Variants in PF4 observed in about 807,000 individuals in gnomAD.
PF4 encodes the protein C-X-C motif chemokine 4.
A neutral mutation model predicts 6.9 loss-of-function variants in PF4; 8 were observed. The observed-to-expected ratio is 1.16, with a 90% CI of 0.68 to 2.09. The LOEUF is 2.09. PF4 is among the 30% of genes most tolerant of loss of function. The pLI, the probability that PF4 is intolerant of heterozygous loss-of-function variation, is 0.00. For missense variants in PF4, 111 were observed against 122.9 expected (o/e 0.90, Z 0.46); for synonymous variants, 55 against 56.5 (o/e 0.97, Z 0.12).
chr4:73,981,918 G>A lies in PF4; in HGVS notation c.36C>T (p.Pro12=). 2.6e-6 allele frequency: 4 copies of A among 1,551,142 alleles called. No individual in the cohort carries two copies. The highest frequency in any genetic ancestry group is 2.0e-5 in the Admixed American group (1 of 50,976). ...SSAAGFCASR[P]GLLFLGLLLL... is the part of the protein sequence containing the mutation. ...GCAGCAACCCCAGGAACAGCAGCCC[G>A]GGGCGTGAGGCGCAGAACCCGGCTG... The change falls in exon 1 of 3, where the codon CCC becomes CCT. Residue 12 remains proline (P), a synonymous_variant. Coordinates refer to ENST00000296029, the MANE Select transcript of PF4 (RefSeq NM_002619.4).
rs561011636 is a variant in PF4 at position 73,980,829 on chromosome 4, T to C, written c.*375A>G. Among the ~76,000 whole-genome samples the C allele has an allele frequency of 3.3e-5, 5 of 152,336 alleles. No individual in the cohort carries two copies. The East Asian group carries it at 9.6e-4, about 29-fold the overall frequency. On this transcript the variant is annotated 3_prime_UTR_variant, in exon 3 of 3. Coordinates refer to ENST00000296029, the MANE Select transcript of PF4 (RefSeq NM_002619.4). ...TACTTAATTTTTTAAAAGCCATCTGTGTTACTGATATTTATTGGCAAAGGT... is the reference window on the plus strand; with the variant it reads ...TACTTAATTTTTTAAAAGCCATCTGCGTTACTGATATTTATTGGCAAAGGT...
At position 73,981,685 on chromosome 4, in the gene PF4, G is replaced by T; in HGVS notation, c.92-142C>A. 4.1e-6 allele frequency: 6 copies of T among 1,477,870 alleles called. No homozygotes were observed. In the South Asian group the frequency reaches 8.3e-5, roughly 20 times the overall value. The allele number at this position is 1,477,870 out of a possible 1,614,324, so 91.5% of individuals were successfully genotyped here. On this transcript the variant is annotated intron_variant, in intron 1 of 2. Coordinates refer to ENST00000296029, the MANE Select transcript of PF4 (RefSeq NM_002619.4). ...TAAATCACACCTCCCCCAGACAGAA[G>T]TTGTTCTAACCAGGTGGGAGGTGCA...
chr4:73,981,347 T>C lies in PF4; in HGVS notation c.219-56A>G. ...TCAGTCCTTGGGTTTGCAAATGGCA[T>C]TAGAAGGGGGAGGGTTGGGCAGAGG... is the stretch of plus-strand genomic sequence containing the variant. On this transcript the variant is annotated intron_variant, in intron 2 of 2. Transcript: ENST00000296029. 3 of 1,613,890 alleles carry C rather than the reference T, an allele frequency of 1.9e-6. No homozygotes were observed. In the South Asian group the frequency reaches 3.3e-5, roughly 18 times the overall value.
chr4:73,981,230 T>C lies in PF4; in HGVS notation c.280A>G (p.Ile94Val). 1 of 1,614,206 alleles carries C rather than the reference T, an allele frequency of 6.2e-7. No homozygotes were observed. Among genetic ancestry groups the C allele is most frequent in the Non-Finnish European group, 8.5e-7 (1 of 1,180,006 alleles). The change falls in exon 3 of 3, where the codon ATA (isoleucine) becomes GTA (valine). Residue 94 changes from isoleucine (I) to valine (V), a missense_variant. Ile to Val is a conservative substitution (Grantham distance 29). Transcript: ENST00000296029. ...LDLQAPLYKK[I>V]IKKLLES ...TAACTCTCCAAAAGTTTCTTAATTA[T>C]TTTCTTGTACAGCGGGGCTTGCAGG...
At chr4:73,982,062 G>T, upstream of PF4, 1 of 881,112 alleles carries the variant, frequency 1.1e-6, no homozygotes, top group Non-Finnish European at 1.8e-6. Context: ...TTTATTCCCG[G>T]CTGTCCTTCC....
In PF4 at chr4:73,980,981, TGCTTAAAATACCGGAA is replaced by T; in HGVS notation, c.*207_*222del. The T allele has an allele frequency of 1.9e-6, 1 of 537,828 alleles. No homozygotes were observed. The highest frequency in any genetic ancestry group is 3.3e-6 in the Non-Finnish European group (1 of 302,924). 33.3% of individuals were successfully genotyped at this position (537,828 alleles called of 1,614,324 possible). A position where few individuals can be genotyped will look rare whatever the true frequency, so the allele number is the denominator to read the frequency against. ...TCACACCTTCCTTCAAAATACTTTTTGCTTAAAATACCGGAATTTTTTTCTTCCATGAAATTGTTAT... is the reference window on the plus strand; with the variant it reads ...TCACACCTTCCTTCAAAATACTTTTTTTTTTTTCTTCCATGAAATTGTTAT... On this transcript the variant is annotated 3_prime_UTR_variant, in exon 3 of 3. Transcript: ENST00000296029.
At position 73,981,065 on chromosome 4, in the gene PF4, C is replaced by T; in HGVS notation, c.*139G>A. On this transcript the variant is annotated 3_prime_UTR_variant, in exon 3 of 3. Transcript: ENST00000296029. ...GCACTATTATTAAGAAGTATTTTGA[C>T]TATACTACAACTTGATTTATTTTGT... is the stretch of plus-strand genomic sequence containing the variant. The T allele has an allele frequency of 1.5e-6, 1 of 662,236 alleles. No individual in the cohort carries two copies. The highest frequency in any genetic ancestry group is 2.6e-6 in the Non-Finnish European group (1 of 389,632). The allele number at this position is 662,236 out of a possible 1,614,324, so 41.0% of individuals were successfully genotyped here.
Position 73,981,399 on chromosome 4 carries a change from T to G in PF4, c.218+18A>C, listed in dbSNP as rs1718782885. ...GGCACGGAGCGGGAGCACTGACAGA[T>G]GCAGTGCAAGGACTCACATCAGTTG... On this transcript the variant is annotated intron_variant, in intron 2 of 2. Transcript: ENST00000296029. 1 of 1,614,104 alleles carries G rather than the reference T, an allele frequency of 6.2e-7. No individual in the cohort carries two copies. The highest frequency in any genetic ancestry group is 8.5e-7 in the Non-Finnish European group (1 of 1,179,982).
intron 1 of PF4, 150 bp from the exon 2 acceptor site, chr4:73,981,693 A>G (rs1455734662): frequency 1.7e-5 from 25 of 1,478,314 alleles, no homozygotes; most frequent in Non-Finnish European, 2.3e-5. Flanking sequence ...AAGTTGTTCT[A>G]ACCAGGTGGG....
rs1718816680 is a variant in PF4 at position 73,982,002 on chromosome 4, A to G, written c.-49T>C. The G allele has an allele frequency of 6.8e-7, 1 of 1,466,682 alleles. No homozygotes were observed. The highest frequency in any genetic ancestry group is 1.4e-5 in the African/African-American group (1 of 70,494). The allele number at this position is 1,466,682 out of a possible 1,614,324, so 90.9% of individuals were successfully genotyped here. The stretch of plus-strand genomic sequence containing the variant: ...ATCTCAGTGCTCAGTGCGATGGGAA[A>G]CTCGGGCTGGGTCTCTGTGGCCAAT... On this transcript the variant is annotated 5_prime_UTR_variant, in exon 1 of 3. Transcript: ENST00000296029.
At position 73,981,243 on chromosome 4, in the gene PF4, C is replaced by T. The variant is rs1473525122; in HGVS notation, c.267G>A (p.Pro89=). 5.0e-6 allele frequency: 8 copies of T among 1,614,144 alleles called. No individual in the cohort carries two copies. The highest frequency in any genetic ancestry group is 1.7e-5 in the Admixed American group (1 of 60,022). The change falls in exon 3 of 3, where the codon CCG becomes CCA. Residue 89 remains proline, a synonymous_variant. Coordinates refer to ENST00000296029, the MANE Select transcript of PF4 (RefSeq NM_002619.4). ...GTTTCTTAATTATTTTCTTGTACAGCGGGGCTTGCAGGTCCAAGCAAATTT... is the reference window on the plus strand; with the variant it reads ...GTTTCTTAATTATTTTCTTGTACAGTGGGGCTTGCAGGTCCAAGCAAATTT... ...GRKICLDLQA[P]LYKKIIKKLL... is the part of the protein sequence containing the mutation.
chr4:73,981,760 G>A lies in PF4; in HGVS notation c.91+103C>T, dbSNP rs1459940687. ...AGACACTCAGCAGGCTCTCCGTTAAGTGTGGCTGTGATCATGATCCTAGAG... is the reference window on the plus strand; with the variant it reads ...AGACACTCAGCAGGCTCTCCGTTAAATGTGGCTGTGATCATGATCCTAGAG... On this transcript the variant is annotated intron_variant, in intron 1 of 2. Coordinates refer to ENST00000296029, the MANE Select transcript of PF4 (RefSeq NM_002619.4). The A allele has an allele frequency of 4.0e-6, 6 of 1,494,002 alleles. No individual in the cohort carries two copies. The African/African-American group carries it at 8.4e-5, about 21-fold the overall frequency. 92.5% of individuals were successfully genotyped at this position (1,494,002 alleles called of 1,614,324 possible). A position where few individuals can be genotyped will look rare whatever the true frequency, so the allele number is the denominator to read the frequency against.
chr4:73,981,139 T>A lies in PF4; in HGVS notation c.*65A>T. 1 of 1,082,464 alleles carries A rather than the reference T, an allele frequency of 9.2e-7. No homozygotes were observed. The highest frequency in any genetic ancestry group is 1.3e-5 in the South Asian group (1 of 77,032). 67.1% of individuals were successfully genotyped at this position (1,082,464 alleles called of 1,614,324 possible). On this transcript the variant is annotated 3_prime_UTR_variant, in exon 3 of 3. Transcript: ENST00000296029. ...ACAAATATCAGAAGTTCTTTCACAG[T>A]TAGATTGAAACTGGAAAAAAGAAGT...
At chr4:73,981,841 A>G (rs1482052024) in intron 1 of PF4, 22 bp downstream of exon 1, 12 of 1,550,040 alleles carry the variant, frequency 7.7e-6, no homozygotes, top group Non-Finnish European at 1.0e-5. Flanking sequence ...GCCAGCCCTC[A>G]CAGCCTGGCT....
rs1286086391 is a variant in PF4, at chr4:73,980,852, G to A, written c.*352C>T. ...TGTGTTACTGATATTTATTGGCAAA[G>A]GTAATAATAATGGTCAAGGTAAATA... On this transcript the variant is annotated 3_prime_UTR_variant, in exon 3 of 3. Transcript: ENST00000296029. Among the ~76,000 whole-genome samples, 1 of 152,148 alleles carries A rather than the reference G, an allele frequency of 6.6e-6. No homozygotes were observed. Among genetic ancestry groups the A allele is most frequent in the Non-Finnish European group, 1.5e-5 (1 of 68,026 alleles).
chr4:73,981,689 T>C, intron 1 of PF4, 146 bp from the exon 2 acceptor site: 1 of 1,477,952 alleles, frequency 6.8e-7, no homozygotes, highest in Non-Finnish European at 9.0e-7. Flanking sequence ...ACAGAAGTTG[T>C]TCTAACCAGG....
intron 1 of PF4, 139 bp from the exon 2 acceptor site, chr4:73,981,682 G>C (rs45606832): frequency 6.8e-7 from 1 of 1,478,088 alleles, no homozygotes; most frequent in Non-Finnish European, 9.0e-7. Context: ...CCCCCAGACA[G>C]AAGTTGTTCT....
rs1239905515 is a variant in PF4, at chr4:73,980,993, C to A, written c.*211G>T. 14 of 546,868 alleles carry A rather than the reference C, an allele frequency of 2.6e-5. No homozygotes were observed. In the Admixed American group the frequency reaches 4.2e-4, roughly 16 times the overall value. The allele number at this position is 546,868 out of a possible 1,614,324, so 33.9% of individuals were successfully genotyped here. On this transcript the variant is annotated 3_prime_UTR_variant, in exon 3 of 3. Transcript: ENST00000296029. Reference sequence around the variant, plus strand: ...TCAAAATACTTTTTGCTTAAAATACCGGAATTTTTTTCTTCCATGAAATTG... The same window carrying A: ...TCAAAATACTTTTTGCTTAAAATACAGGAATTTTTTTCTTCCATGAAATTG...
chr4:73,981,184 C>T lies in PF4; in HGVS notation c.*20G>A, dbSNP rs1718773250. On this transcript the variant is annotated 3_prime_UTR_variant, in exon 3 of 3. Coordinates refer to ENST00000296029, the MANE Select transcript of PF4 (RefSeq NM_002619.4). ...AGAAGTATGCTATATAGCAAATGCA[C>T]ACACGTAGGCAGCTAGTAGCTAACT... 1 of 1,564,050 alleles carries T rather than the reference C, an allele frequency of 6.4e-7. No homozygotes were observed. Among genetic ancestry groups the T allele is most frequent in the Admixed American group, 1.7e-5 (1 of 59,936 alleles).
Sources: allele counts gnomAD v4.1 joint callset (sites outside exome capture counted in the v4.1 genomes callset), GRCh38; gene constraint gnomAD v4.1.1; transcripts MANE v1.5; gene names NCBI Gene and HGNC (gene_info 2026-07-23, HGNC 2026-07-21).